Variants in XKR4 observed in about 807,000 individuals in gnomAD.
XKR4 encodes the protein XK-related protein 4.
Under a neutral mutation model 53.9 loss-of-function variants are expected in XKR4, and 12 were observed. That is an observed-to-expected ratio of 0.22 (90% confidence interval 0.14 to 0.36). The LOEUF is 0.36. Among genes scored for constraint, XKR4 ranks in the 10% least tolerant of loss-of-function variants. The probability of loss-of-function intolerance (pLI) is 1.00; values close to 1 mark genes in which losing one functional copy is unlikely to be tolerated. For missense variants in XKR4, 799 were observed against 859.5 expected (o/e 0.93, Z 0.88); for synonymous variants, 354 against 362.4 (o/e 0.98, Z 0.26).
At chr8:55,323,995 T>C (rs546432011) in intron 1 of XKR4, among the ~76,000 whole-genome samples, 33 of 152,350 alleles carry the variant, frequency 2.2e-4, no homozygotes, top group Non-Finnish European at 4.4e-4. Flanking sequence ...AACCTTTTCA[T>C]TTACTTAAAT....
At chr8:55,141,873 T>TG (rs1311806342) in intron 1 of XKR4, among the ~76,000 whole-genome samples, 1 of 151,628 alleles carries the variant, frequency 6.6e-6, no homozygotes, top group African/African-American at 2.4e-5. Flanking sequence ...CATAGAGGGG[T>TG]GGGGGGTCCC....
intron 1 of XKR4, among the ~76,000 whole-genome samples, chr8:55,275,557 C>T (rs753497614): frequency 3.6e-4 from 55 of 152,280 alleles, no homozygotes; most frequent in Non-Finnish European, 7.1e-4. Flanking sequence ...TTCAACCCCA[C>T]GACCTTTCTT....
At chr8:55,451,476 G>T in intron 2 of XKR4, 1 of 1,227,362 alleles carries the variant, frequency 8.1e-7, no homozygotes, top group Non-Finnish European at 1.2e-6. Flanking sequence ...GGCTACTCGA[G>T]TCTGCCTGGA....
At chr8:55,275,442 G>A (rs1172333225) in intron 1 of XKR4, among the ~76,000 whole-genome samples, 1 of 152,158 alleles carries the variant, frequency 6.6e-6, no homozygotes, top group East Asian at 1.9e-4. Flanking sequence ...ACTCCTCCAA[G>A]ATACTGTATA....
chr8:55,200,913 T>C (rs116049398), intron 1 of XKR4, among the ~76,000 whole-genome samples: 1 of 152,232 alleles, frequency 6.6e-6, no homozygotes, highest in East Asian at 1.9e-4. Context: ...TAGTATTGAA[T>C]CATAGTTAAC....
chr8:55,463,423 C>A (rs1432568324), intron 2 of XKR4, among the ~76,000 whole-genome samples: 2 of 151,074 alleles, frequency 1.3e-5, no homozygotes, highest in Non-Finnish European at 3.0e-5. Context: ...TTCTTTGAAA[C>A]CAACGAGAAC....
At position 55,542,032 on chromosome 8, in the gene XKR4, A is replaced by G. The variant is rs1807109354; in HGVS notation, c.*17805A>G. 1 of 151,880 alleles carries G rather than the reference A, an allele frequency of 6.6e-6. No homozygotes were observed. The highest frequency in any genetic ancestry group is 2.4e-5 in the African/African-American group (1 of 41,430). The allele number at this position is 151,880 out of a possible 1,614,324, so 9.4% of individuals were successfully genotyped here. On this transcript the variant is annotated 3_prime_UTR_variant, in exon 3 of 3. Coordinates refer to ENST00000327381, the MANE Select transcript of XKR4 (RefSeq NM_052898.2). ...GTTTTTCTTGTAAAACTTAAAGAAA[A>G]AAAAAGAAAACTTGAAATTTTATAT...
At chr8:55,334,374 A>C (rs1272946220) in intron 1 of XKR4, among the ~76,000 whole-genome samples, 3 of 152,182 alleles carry the variant, frequency 2.0e-5, no homozygotes, top group Admixed American at 6.5e-5. Flanking sequence ...ACATAATTGG[A>C]GCTTAGGGCT....
At chr8:55,142,476 C>T (rs533478724) in intron 1 of XKR4, 2 of 166,682 alleles carry the variant, frequency 1.2e-5, no homozygotes, top group Non-Finnish European at 2.6e-5. Flanking sequence ...CACATGCAGG[C>T]CAAGAACATG....
chr8:55,300,842 C>T (rs992088665), intron 1 of XKR4, among the ~76,000 whole-genome samples: 1 of 151,928 alleles, frequency 6.6e-6, no homozygotes, highest in African/African-American at 2.4e-5. Flanking sequence ...CAGAAGGCAG[C>T]TTTTGGTCTG....
At position 55,478,172 on chromosome 8, in the gene XKR4, G is replaced by A. The variant is rs188802249; in HGVS notation, c.1007-45109G>A. Among the ~76,000 whole-genome samples, 199 of 152,242 alleles carry A rather than the reference G, an allele frequency of 1.3e-3. 2 individuals are homozygous for A. In the Middle Eastern group the frequency reaches 0.017, roughly 13 times the overall value. ...AGAGAAAGGCCGGGTTACCCAAAAA[G>A]GGAAGCCCATCAGACTAACAGCGGA... On this transcript the variant is annotated intron_variant, in intron 2 of 2. Transcript: ENST00000327381.
Position 55,362,668 on chromosome 8 carries a change from C to G in XKR4, c.1006+4791C>G, listed in dbSNP as rs183740527. ...TCAGAGTTACCCCATCTGGACTTTT[C>G]AATGACCCCAAGAACCTGTAAAATG... On this transcript the variant is annotated intron_variant, in intron 2 of 2. Coordinates refer to ENST00000327381, the MANE Select transcript of XKR4 (RefSeq NM_052898.2). 2.0e-3 allele frequency among the ~76,000 whole-genome samples: 305 copies of G among 152,286 alleles called. 2 individuals are homozygous for G. Among genetic ancestry groups the G allele is most frequent in the African/African-American group, 6.9e-3 (286 of 41,562 alleles).
chr8:55,142,842 G>A (rs1010997105), intron 1 of XKR4, among the ~76,000 whole-genome samples: 4 of 152,210 alleles, frequency 2.6e-5, no homozygotes, highest in Non-Finnish European at 4.4e-5. Context: ...TGCAGCTCCA[G>A]GAGCATCTAC....
intron 1 of XKR4, among the ~76,000 whole-genome samples, chr8:55,117,717 G>A (rs1046528199): frequency 6.6e-6 from 1 of 152,104 alleles, no homozygotes; most frequent in Non-Finnish European, 1.5e-5. Flanking sequence ...TTTTGTTTCC[G>A]AATCTCATGC....
chr8:55,345,293 C>CA (rs1456216978), intron 1 of XKR4, among the ~76,000 whole-genome samples: 1 of 140,598 alleles, frequency 7.1e-6, no homozygotes, highest in Non-Finnish European at 1.5e-5. Context: ...GACTCCATCT[C>CA]AAAAAAAGAA....
At chr8:55,428,045 C>G (rs186267134) in intron 2 of XKR4, among the ~76,000 whole-genome samples, 30 of 152,198 alleles carry the variant, frequency 2.0e-4, no homozygotes, top group South Asian at 1.9e-3. Context: ...TTTTTTCAGT[C>G]TATGGGAACT....
chr8:55,495,661 C>T (rs16921883), intron 2 of XKR4, among the ~76,000 whole-genome samples: 8,057 of 152,162 alleles, frequency 0.053, 606 homozygotes, highest in East Asian at 0.28. Context: ...ATAGTAGTGA[C>T]GTAGGGCCAG....
At position 55,488,937 on chromosome 8, in the gene XKR4, CAAAA is replaced by C. The variant is rs1178202704; in HGVS notation, c.1007-34321_1007-34318del. On this transcript the variant is annotated intron_variant, in intron 2 of 2. Coordinates refer to ENST00000327381, the MANE Select transcript of XKR4 (RefSeq NM_052898.2). ...TGGGCGACAGAGCGAGACTCCGTTT[CAAAA>C]AAAAAAAAAAAAAAAAAAAAAAGAC... Among the ~76,000 whole-genome samples the C allele has an allele frequency of 2.2e-3, 2 of 920 alleles. 1 individual carries two copies. Among genetic ancestry groups the C allele is most frequent in the Non-Finnish European group, 3.5e-3 (2 of 574 alleles). The allele number at this position is 920 out of a possible 152,430, so 0.6% of individuals were successfully genotyped here.
intron 1 of XKR4, among the ~76,000 whole-genome samples, chr8:55,193,864 G>A (rs1370951202): frequency 6.6e-6 from 1 of 152,208 alleles, no homozygotes; most frequent in Non-Finnish European, 1.5e-5. Context: ...GGCTGTGCTT[G>A]TGACCATTTG....
Sources: allele counts gnomAD v4.1 joint callset (sites outside exome capture counted in the v4.1 genomes callset), GRCh38; gene constraint gnomAD v4.1.1; transcripts MANE v1.5; gene names NCBI Gene and HGNC (gene_info 2026-07-23, HGNC 2026-07-21).